ITPR2: variants seen among roughly 807,000 people sequenced by gnomAD.
ITPR2 encodes the protein inositol 1,4,5-trisphosphate-gated calcium channel ITPR2.
ITPR2 carries 207 observed loss-of-function variants against 317.1 expected under a neutral mutation model. That is an observed-to-expected ratio of 0.65 (90% CI 0.58 to 0.73). The LOEUF is 0.73. Among genes scored for constraint, ITPR2 ranks in the 30% least tolerant of loss-of-function variants. The probability of loss-of-function intolerance (pLI) is 0.00; values close to 1 mark genes in which losing one functional copy is unlikely to be tolerated. For missense variants in ITPR2, 2,613 were observed against 3,284.0 expected (o/e 0.80, Z 4.99); for synonymous variants, 1,156 against 1,149.1 (o/e 1.01, Z -0.12).
At chr12:26,654,211 A>G (rs1268633821) in intron 20 of ITPR2, 85 bp from the exon 21 acceptor site, 3 of 1,049,356 alleles carry the variant, frequency 2.9e-6, no homozygotes, top group African/African-American at 1.7e-5. Context: ...TGGCTTTTTT[A>G]TTATCTAAAT....
chr12:26,758,717 A>G (rs1462196720), intron 2 of ITPR2, among the ~76,000 whole-genome samples: 1 of 152,188 alleles, frequency 6.6e-6, no homozygotes, highest in Non-Finnish European at 1.5e-5. Flanking sequence ...TACTTGCTGC[A>G]ACTTACATAC....
At chr12:26,538,307 A>C (rs1944157241) in intron 37 of ITPR2, among the ~76,000 whole-genome samples, 2 of 152,188 alleles carry the variant, frequency 1.3e-5, no homozygotes, top group East Asian at 3.8e-4. Context: ...TGTACCTGAA[A>C]GTTAGATAAG....
chr12:26,522,955 C>T (rs1295680615), intron 37 of ITPR2, among the ~76,000 whole-genome samples: 1 of 152,230 alleles, frequency 6.6e-6, no homozygotes, highest in Non-Finnish European at 1.5e-5. Context: ...TGGAAGCATT[C>T]TGCATAACAT....
At chr12:26,344,488 T>C (rs747293122) in intron 55 of ITPR2, among the ~76,000 whole-genome samples, 3 of 152,144 alleles carry the variant, frequency 2.0e-5, no homozygotes, top group Admixed American at 6.5e-5. Context: ...CTCTCACAGA[T>C]AGTGTGTGAG....
rs181415080 is a variant in ITPR2 at position 26,670,385 on chromosome 12, G to A, written c.1410-4334C>T. ...GGAACGATCAGACAGCAGCACTCAC[G>A]GTTCACGAAAAACTGCTGTTATACA... On this transcript the variant is annotated intron_variant, in intron 13 of 56. Coordinates refer to ENST00000381340, the MANE Select transcript of ITPR2 (RefSeq NM_002223.4). Among the ~76,000 whole-genome samples the A allele has an allele frequency of 4.5e-4, 69 of 152,240 alleles. 1 individual carries two copies. The East Asian group carries it at 6.8e-3, about 15-fold the overall frequency.
At chr12:26,532,248 T>C (rs1943963958) in intron 37 of ITPR2, among the ~76,000 whole-genome samples, 1 of 152,224 alleles carries the variant, frequency 6.6e-6, no homozygotes, top group South Asian at 2.1e-4. Context: ...TTTAGGTAGA[T>C]ATTAAAAGCA....
chr12:26,425,393 G>A (rs1248272798), intron 49 of ITPR2, among the ~76,000 whole-genome samples: 1 of 151,982 alleles, frequency 6.6e-6, no homozygotes, highest in Non-Finnish European at 1.5e-5. Context: ...GAGCGGCCAG[G>A]CGCAGTGGCT....
At chr12:26,681,843 G>A (rs761295244) in intron 13 of ITPR2, 31 bp downstream of exon 13, 36 of 1,495,460 alleles carry the variant, frequency 2.4e-5, no homozygotes, top group African/African-American at 2.2e-4. Flanking sequence ...CAACTGACTC[G>A]TGATTATTTA....
At chr12:26,654,889 G>A (rs554552434) in intron 20 of ITPR2, among the ~76,000 whole-genome samples, 2 of 152,298 alleles carry the variant, frequency 1.3e-5, no homozygotes, top group African/African-American at 2.4e-5. Flanking sequence ...TGCAATCCCA[G>A]TCAACAGCTT....
intron 15 of ITPR2, among the ~76,000 whole-genome samples, chr12:26,661,271 T>TGG (rs1947490826): frequency 2.0e-4 from 1 of 5,090 alleles, no homozygotes; most frequent in Non-Finnish European, 3.4e-4. Context: ...TAGGGGTGTG[T>TGG]GTGTGGGGGG....
At chr12:26,366,925 T>C (rs1404104128) in intron 55 of ITPR2, among the ~76,000 whole-genome samples, 3 of 152,150 alleles carry the variant, frequency 2.0e-5, no homozygotes, top group Admixed American at 6.5e-5. Flanking sequence ...CAGATGCCAT[T>C]AGAACTGGGA....
chr12:26,402,644 G>A (rs1181002692), intron 52 of ITPR2, among the ~76,000 whole-genome samples: 7 of 152,248 alleles, frequency 4.6e-5, no homozygotes, highest in Non-Finnish European at 8.8e-5. Context: ...GTCAATGCCA[G>A]CAATCATCCT....
At chr12:26,495,894 A>G (rs1942920932) in intron 37 of ITPR2, among the ~76,000 whole-genome samples, 1 of 152,206 alleles carries the variant, frequency 6.6e-6, no homozygotes, top group Non-Finnish European at 1.5e-5. Context: ...AGACTGAATT[A>G]TATTTAAACT....
chr12:26,597,168 C>A (rs762431431), intron 30 of ITPR2, 34 bp from the exon 31 acceptor site: 4 of 1,610,436 alleles, frequency 2.5e-6, no homozygotes, highest in Non-Finnish European at 3.4e-6. Flanking sequence ...ATGTAGCAGT[C>A]CGAACATTCA....
chr12:26,375,188 A>C (rs1939300428), intron 55 of ITPR2, among the ~76,000 whole-genome samples: 1 of 152,250 alleles, frequency 6.6e-6, no homozygotes, highest in Non-Finnish European at 1.5e-5. Flanking sequence ...AAGCCAACTG[A>C]GAATTGAACA....
At chr12:26,751,831 A>C (rs1949426953) in intron 2 of ITPR2, among the ~76,000 whole-genome samples, 1 of 151,100 alleles carries the variant, frequency 6.6e-6, no homozygotes, top group Admixed American at 6.6e-5. Flanking sequence ...GTGCCACTGC[A>C]CTCCAGCCTG....
chr12:26,454,774 G>T (rs1305796461), intron 45 of ITPR2, among the ~76,000 whole-genome samples: 1 of 152,042 alleles, frequency 6.6e-6, no homozygotes. Flanking sequence ...ACTGAGAAAT[G>T]ACTTCTGGCT....
At chr12:26,585,260 C>T (rs1418339826) in intron 32 of ITPR2, among the ~76,000 whole-genome samples, 1 of 152,034 alleles carries the variant, frequency 6.6e-6, no homozygotes, top group Non-Finnish European at 1.5e-5. Context: ...CACATCTTCC[C>T]TTTTATACTT....
intron 41 of ITPR2, among the ~76,000 whole-genome samples, chr12:26,484,772 C>G (rs1399389373): frequency 6.6e-6 from 1 of 152,044 alleles, no homozygotes; most frequent in Non-Finnish European, 1.5e-5. Context: ...AGTGCAGTGG[C>G]ATCATCTCCG....
Sources: gnomAD v4.1 joint callset for allele counts (sites outside exome capture counted in the v4.1 genomes callset) on GRCh38, gnomAD v4.1.1 for gene constraint, MANE v1.5 for transcripts, NCBI Gene and HGNC (gene_info 2026-07-23, HGNC 2026-07-21) for gene names.